FARS2: variants seen among roughly 807,000 people sequenced by gnomAD.
FARS2 encodes the protein phenylalanyl-tRNA synthetase 2, mitochondrial, also known as phenylalanine--tRNA ligase, mitochondrial.
FARS2 carries 40 observed loss-of-function variants against 46.4 expected under a neutral mutation model. The ratio of observed to expected loss-of-function variants is 0.86; its 90% CI spans 0.67 to 1.12. The LOEUF is 1.12. Ranked by LOEUF, FARS2 falls within the 50% of genes most tolerant of loss-of-function variation. The pLI, the probability that FARS2 is intolerant of heterozygous loss-of-function variation, is 0.00. For missense variants in FARS2, 513 were observed against 567.9 expected, an observed-to-expected ratio of 0.90 and a Z score of 0.98; for synonymous variants, 234 against 214.9, an observed-to-expected ratio of 1.09 and a Z score of -0.78.
At position 5,771,491 on chromosome 6, in the gene FARS2, A is replaced by G; in HGVS notation, c.*62A>G. On this transcript the variant is annotated 3_prime_UTR_variant, in exon 7 of 7. Transcript: ENST00000274680. ...CTCCAGGATTTGCTGAAAGAGAAAA[A>G]GATATGGTTTGTGAACTGGGGCATC... is the stretch of plus-strand genomic sequence containing the variant. 1 of 1,548,870 alleles carries G rather than the reference A, an allele frequency of 6.5e-7. No individual in the cohort carries two copies. The highest frequency in any genetic ancestry group is 1.4e-5 in the African/African-American group (1 of 72,300).
intron 6 of FARS2, among the ~76,000 whole-genome samples, chr6:5,771,082 C>T (rs149866161): frequency 5.9e-5 from 9 of 152,300 alleles, no homozygotes; most frequent in African/African-American, 1.9e-4. Context: ...CAGTGGAAAC[C>T]AGCAGCCTCC....
intron 4 of FARS2, among the ~76,000 whole-genome samples, chr6:5,492,348 A>T (rs1196379706): frequency 6.6e-6 from 1 of 152,252 alleles, no homozygotes; most frequent in Non-Finnish European, 1.5e-5. Context: ...AGATAACTCA[A>T]TACAGGACTG....
At chr6:5,709,753 C>G (rs983893340) in intron 6 of FARS2, among the ~76,000 whole-genome samples, 1 of 150,274 alleles carries the variant, frequency 6.7e-6, no homozygotes, top group African/African-American at 2.5e-5. Context: ...TGTGCGCGCG[C>G]GCGTGTGTGT....
At chr6:5,664,193 GTTTC>G (rs1582700724) in intron 6 of FARS2, among the ~76,000 whole-genome samples, 2 of 152,336 alleles carry the variant, frequency 1.3e-5, no homozygotes, top group East Asian at 3.9e-4. Flanking sequence ...CCCTGAAATG[GTTTC>G]ATCTCTATGC....
intron 6 of FARS2, among the ~76,000 whole-genome samples, chr6:5,718,526 G>A (rs1561818927): frequency 1.3e-5 from 2 of 152,176 alleles, no homozygotes; most frequent in South Asian, 2.1e-4. Context: ...ACAGTAAACC[G>A]GGTGAAACAG....
chr6:5,428,068 T>C (rs577872116), intron 3 of FARS2, among the ~76,000 whole-genome samples: 1 of 152,344 alleles, frequency 6.6e-6, no homozygotes, highest in Admixed American at 6.5e-5. Context: ...AACAGGGACC[T>C]GTCTCTGCGG....
chr6:5,530,095 T>C (rs1769726767), intron 4 of FARS2, among the ~76,000 whole-genome samples: 1 of 152,124 alleles, frequency 6.6e-6, no homozygotes, highest in Non-Finnish European at 1.5e-5. Context: ...GGGTGGTTGG[T>C]TTTACAGCAA....
At chr6:5,421,291 G>A (rs760901833) in intron 3 of FARS2, among the ~76,000 whole-genome samples, 34 of 152,162 alleles carry the variant, frequency 2.2e-4, no homozygotes, top group Non-Finnish European at 4.4e-4. Flanking sequence ...CAAGTCCCTA[G>A]GCTGCACACA....
At chr6:5,594,718 C>T (rs1289268514) in intron 5 of FARS2, among the ~76,000 whole-genome samples, 1 of 152,168 alleles carries the variant, frequency 6.6e-6, no homozygotes, top group Admixed American at 6.5e-5. Flanking sequence ...GGAGGACAAG[C>T]CAAGCAGGTG....
At chr6:5,432,410 TATATAATATATAATATATTATAA>T (rs1240622342) in intron 4 of FARS2, among the ~76,000 whole-genome samples, 64 of 127,158 alleles carry the variant, frequency 5.0e-4, no homozygotes, top group Non-Finnish European at 9.5e-4. Flanking sequence ...TTATGTATTA[TATATAATATATAATATATTATAA>T]ATATAATATA....
intron 6 of FARS2, among the ~76,000 whole-genome samples, chr6:5,643,968 TG>T (rs1776950566): frequency 1.3e-5 from 2 of 152,224 alleles, no homozygotes; most frequent in African/African-American, 4.8e-5. Flanking sequence ...GGGCATTTAC[TG>T]TACCCACGAG....
upstream of FARS2, among the ~76,000 whole-genome samples, chr6:5,256,490 G>GAAAAAAAAAAAAAAAAA (rs777995486): frequency 1.2e-3 from 46 of 37,520 alleles, 19 homozygotes; most frequent in Non-Finnish European, 1.5e-3. Flanking sequence ...GATTTCAACT[G>GAAAAAAAAAAAAAAAAA]GAAAAAAAAA....
Position 5,570,076 on chromosome 6 carries a change from A to G in FARS2, c.1065+24736A>G, listed in dbSNP as rs139955614. 7.5e-3 allele frequency among the ~76,000 whole-genome samples: 1,137 copies of G among 152,290 alleles called. 11 individuals carry two copies. The highest frequency in any genetic ancestry group is 0.026 in the African/African-American group (1,080 of 41,560). ...AGTCATCAGCAAAAGCCAAACTCACATTGTTATTTCTTTTTAATCATAGCT... is the reference window on the plus strand; with the variant it reads ...AGTCATCAGCAAAAGCCAAACTCACGTTGTTATTTCTTTTTAATCATAGCT... On this transcript the variant is annotated intron_variant, in intron 5 of 6. Coordinates refer to ENST00000274680, the MANE Select transcript of FARS2 (RefSeq NM_006567.5).
At chr6:5,735,624 G>C (rs1036259790) in intron 6 of FARS2, among the ~76,000 whole-genome samples, 1 of 152,208 alleles carries the variant, frequency 6.6e-6, no homozygotes, top group African/African-American at 2.4e-5. Context: ...AGTCCTGGCT[G>C]TTTTCTCCCA....
At chr6:5,699,721 C>G (rs139596628) in intron 6 of FARS2, among the ~76,000 whole-genome samples, 2,078 of 152,242 alleles carry the variant, frequency 0.014, 22 homozygotes, top group Non-Finnish European at 0.022. Context: ...GCTGGCCAGG[C>G]TGGTCGAGAT....
chr6:5,415,310 C>CTTTTTTT (rs773981175), intron 3 of FARS2, among the ~76,000 whole-genome samples: 184 of 53,652 alleles, frequency 3.4e-3, no homozygotes, highest in Middle Eastern at 0.013. Flanking sequence ...CTTTTCTTTT[C>CTTTTTTT]TTTTTTTTTT....
In FARS2 at chr6:5,765,157, A is replaced by T. The variant is rs1762686271; in HGVS notation, c.1218-6134A>T. ...TATGCCATCCCCTCCCTGCTGTTGC[A>T]TTCTGCCGTCCAGCCCAGCTCTCCC... On this transcript the variant is annotated intron_variant, in intron 6 of 6. Coordinates refer to ENST00000274680, the MANE Select transcript of FARS2 (RefSeq NM_006567.5). This position sits in a 1 kb window ranked among gnomAD's most constrained non-coding sequence, Gnocchi z 4.0. Among the ~76,000 whole-genome samples the T allele has an allele frequency of 6.6e-6, 1 of 152,162 alleles. No individual in the cohort carries two copies. The highest frequency in any genetic ancestry group is 2.4e-5 in the African/African-American group (1 of 41,448).
At chr6:5,654,073 G>T (rs1449888822) in intron 6 of FARS2, among the ~76,000 whole-genome samples, 1 of 152,178 alleles carries the variant, frequency 6.6e-6, no homozygotes, top group Non-Finnish European at 1.5e-5. Context: ...AGAGTCAGCA[G>T]TGTTTCTCAG....
chr6:5,373,402 G>A (rs977799617), intron 2 of FARS2, among the ~76,000 whole-genome samples: 4 of 152,080 alleles, frequency 2.6e-5, no homozygotes, highest in African/African-American at 9.7e-5. Flanking sequence ...ACCAACTATA[G>A]AGTCTCCCCC....
Sources: allele counts gnomAD v4.1 joint callset (sites outside exome capture counted in the v4.1 genomes callset), GRCh38; gene constraint gnomAD v4.1.1; non-coding constraint Gnocchi (gnomAD v3.1); transcripts MANE v1.5; gene names NCBI Gene and HGNC (gene_info 2026-07-23, HGNC 2026-07-21).